The following SYTL5 variants were observed in gnomAD, a reference collection of about 807,000 sequenced individuals.
SYTL5 encodes the protein synaptotagmin-like protein 5.
SYTL5 carries 34 observed loss-of-function variants against 55.9 expected under a neutral mutation model. The ratio of observed to expected loss-of-function variants is 0.61; its 90% CI spans 0.46 to 0.81. The LOEUF (loss-of-function observed/expected upper bound fraction) is 0.81, where lower values mean the gene tolerates loss of function less well. SYTL5 is among the 30% of genes least tolerant of loss of function. The pLI is 0.00. For missense variants in SYTL5, 637 were observed against 546.7 expected (o/e 1.17, Z -1.65); for synonymous variants, 221 against 188.7 (o/e 1.17, Z -1.40).
At chrX:37,974,412 G>T in the SYTL5 span, among the ~76,000 whole-genome samples, 1 of 111,901 alleles carries the variant, frequency 8.9e-6, no homozygotes, top group Admixed American at 9.5e-5. Flanking sequence ...ACTAATGGTT[G>T]CCATGGGCTG....
At chrX:37,962,745 G>T in the SYTL5 span, among the ~76,000 whole-genome samples, 1 of 111,862 alleles carries the variant, frequency 8.9e-6, no homozygotes, top group South Asian at 3.8e-4. Flanking sequence ...GTTGTTTCCT[G>T]ACTTTTTAAT....
the SYTL5 span, among the ~76,000 whole-genome samples, chrX:37,916,099 C>T: frequency 9.7e-3 from 1,087 of 111,527 alleles, 12 homozygotes; most frequent in African/African-American, 0.034. Flanking sequence ...TCCATACTTC[C>T]GTTAGGAACT....
chrX:38,090,406 C>T (rs894019900), intron 7 of SYTL5, among the ~76,000 whole-genome samples: 1 of 111,837 alleles, frequency 8.9e-6, no homozygotes, highest in Admixed American at 9.5e-5. Context: ...ATATTTTCTA[C>T]TGGTTTTCTC....
the SYTL5 span, among the ~76,000 whole-genome samples, chrX:37,963,583 G>A: frequency 9.0e-6 from 1 of 111,729 alleles, no homozygotes; most frequent in Non-Finnish European, 1.9e-5. Flanking sequence ...CACCATACTC[G>A]GCCTTGATTT....
intron 3 of SYTL5, among the ~76,000 whole-genome samples, chrX:38,070,161 C>T (rs750561228): frequency 1.3e-4 from 14 of 111,463 alleles, no homozygotes; most frequent in Non-Finnish European, 1.7e-4. Flanking sequence ...CCTCAGATTC[C>T]GAAGCAGATT....
intron 1 of SYTL5, among the ~76,000 whole-genome samples, chrX:38,033,284 C>T (rs946887860): frequency 9.0e-6 from 1 of 110,994 alleles, no homozygotes; most frequent in Non-Finnish European, 1.9e-5. Flanking sequence ...ATGCAGCTGG[C>T]GGAGGAAGCT....
chrX:38,111,760 C>T (rs1199142236), intron 13 of SYTL5, among the ~76,000 whole-genome samples: 1 of 111,928 alleles, frequency 8.9e-6, no homozygotes, highest in African/African-American at 3.2e-5. Context: ...GCCTGGTTCT[C>T]CTAATTATAA....
intron 3 of SYTL5, among the ~76,000 whole-genome samples, chrX:38,055,318 A>G (rs897455025): frequency 4.5e-5 from 5 of 111,900 alleles, no homozygotes; most frequent in Non-Finnish European, 7.5e-5. Flanking sequence ...GGAGTGCAGT[A>G]AGCACAAATT....
At chrX:37,962,269 T>C in the SYTL5 span, among the ~76,000 whole-genome samples, 3 of 110,682 alleles carry the variant, frequency 2.7e-5, no homozygotes, top group African/African-American at 9.9e-5. Flanking sequence ...TTCCCCTTCC[T>C]GTGTCCAAGT....
chrX:38,000,449 C>T, the SYTL5 span, among the ~76,000 whole-genome samples: 1 of 112,378 alleles, frequency 8.9e-6, no homozygotes, highest in African/African-American at 3.2e-5. Flanking sequence ...GGACGTGTGG[C>T]TCACTTCTTC....
At chrX:38,053,099 G>A (rs1450730251) in intron 2 of SYTL5, among the ~76,000 whole-genome samples, 1 of 112,305 alleles carries the variant, frequency 8.9e-6, no homozygotes, top group African/African-American at 3.2e-5. Context: ...AATCTCCAAA[G>A]CTGTGCTTCT....
At chrX:37,951,117 A>G in the SYTL5 span, among the ~76,000 whole-genome samples, 1 of 110,812 alleles carries the variant, frequency 9.0e-6, no homozygotes, top group Non-Finnish European at 1.9e-5. Context: ...ACTATTATAT[A>G]CCAAAGAAAA....
chrX:37,904,734 G>A, the SYTL5 span, among the ~76,000 whole-genome samples: 15 of 111,062 alleles, frequency 1.4e-4, no homozygotes, highest in Non-Finnish European at 5.7e-5. Context: ...AACAAAGGGC[G>A]AGTGTTAGGG....
the SYTL5 span, chrX:37,906,102 A>T: frequency 6.3e-5 from 7 of 111,271 alleles, no homozygotes; most frequent in Middle Eastern, 0.019. Flanking sequence ...CAGCAGGCTG[A>T]CCCCCTCCTG....
chrX:37,995,351 G>A, the SYTL5 span, among the ~76,000 whole-genome samples: 1 of 111,936 alleles, frequency 8.9e-6, no homozygotes. Context: ...ATGGGACAGG[G>A]GATTTACATG....
At chrX:37,942,723 T>C in the SYTL5 span, among the ~76,000 whole-genome samples, 1 of 111,685 alleles carries the variant, frequency 9.0e-6, no homozygotes, top group African/African-American at 3.2e-5. Flanking sequence ...GATTTCTAAA[T>C]CTTGGAAATA....
the SYTL5 span, among the ~76,000 whole-genome samples, chrX:37,932,843 C>T: frequency 9.0e-6 from 1 of 111,361 alleles, no homozygotes; most frequent in Non-Finnish European, 1.9e-5. Context: ...TGCCTAGTAC[C>T]TTAGTGCTCT....
At chrX:38,040,031 C>A (rs889978078) in intron 2 of SYTL5, among the ~76,000 whole-genome samples, 3 of 110,367 alleles carry the variant, frequency 2.7e-5, no homozygotes, top group Admixed American at 1.9e-4. Context: ...AAAAATTACC[C>A]GGGCGTGGTG....
the SYTL5 span, among the ~76,000 whole-genome samples, chrX:37,925,176 A>T: frequency 2.0e-4 from 22 of 111,917 alleles, no homozygotes; most frequent in African/African-American, 6.8e-4. Context: ...ATTCATGTTG[A>T]TGTAAATGAC....
Sources: allele counts gnomAD v4.1 joint callset (sites outside exome capture counted in the v4.1 genomes callset), GRCh38; gene constraint gnomAD v4.1.1; transcripts MANE v1.5; gene names NCBI Gene and HGNC (gene_info 2026-07-23, HGNC 2026-07-21).